Variants in TYW1B observed in about 807,000 individuals in gnomAD.
The protein encoded by TYW1B is tRNA-yW synthesizing protein 1 homolog B.
TYW1B carries 73 observed loss-of-function variants against 86.9 expected under a neutral mutation model. The ratio of observed to expected loss-of-function variants is 0.84; its 90% confidence interval spans 0.70 to 1.02. The LOEUF (loss-of-function observed/expected upper bound fraction) is 1.02. Among genes scored for constraint, TYW1B ranks in the 50% least tolerant of loss-of-function variants. The pLI is 0.00. For synonymous variants in TYW1B, 248 were observed against 292.8 expected, an observed-to-expected ratio of 0.85 and a Z score of 1.56; for missense variants, 637 against 827.4, an observed-to-expected ratio of 0.77 and a Z score of 2.82.
At chr7:72,660,098 G>A (rs1364880548) in intron 11 of TYW1B, among the ~76,000 whole-genome samples, 1 of 152,108 alleles carries the variant, frequency 6.6e-6, no homozygotes, top group African/African-American at 2.4e-5. Context: ...GACCAGGTGT[G>A]GCAGCTCACA....
intron 11 of TYW1B, among the ~76,000 whole-genome samples, chr7:72,678,619 CTTTTTTTTT>C (rs56738372): frequency 3.3e-4 from 36 of 110,418 alleles, no homozygotes; most frequent in African/African-American, 9.8e-4. Context: ...AATTCCAGCA[CTTTTTTTTT>C]TTTTTTTTTT....
chr7:72,768,457 T>A (rs1787810563), intron 7 of TYW1B, among the ~76,000 whole-genome samples: 1 of 151,930 alleles, frequency 6.6e-6, no homozygotes, highest in African/African-American at 2.4e-5. Context: ...AGAAACTGAA[T>A]TTGTCATTTT....
At chr7:72,658,324 C>T (rs1308120994) in intron 11 of TYW1B, among the ~76,000 whole-genome samples, 3 of 150,572 alleles carry the variant, frequency 2.0e-5, no homozygotes, top group Non-Finnish European at 4.4e-5. Flanking sequence ...TAATTTAACA[C>T]TGAGGTAAAA....
intron 7 of TYW1B, among the ~76,000 whole-genome samples, chr7:72,756,200 TTTTTTA>T (rs1424709623): frequency 4.1e-5 from 6 of 146,148 alleles, no homozygotes; most frequent in African/African-American, 1.5e-4. Flanking sequence ...AGTTTATTAT[TTTTTTA>T]TTTTATTTTA....
chr7:72,672,743 G>A (rs557831942), intron 11 of TYW1B, among the ~76,000 whole-genome samples: 1 of 152,096 alleles, frequency 6.6e-6, no homozygotes, highest in Non-Finnish European at 1.5e-5. Context: ...CAGATACTGA[G>A]AGACAACAGT....
intron 8 of TYW1B, among the ~76,000 whole-genome samples, chr7:72,731,933 C>G (rs1340238116): frequency 6.6e-6 from 1 of 151,920 alleles, no homozygotes; most frequent in African/African-American, 2.4e-5. Flanking sequence ...GAGCAGGACT[C>G]CATCTCAAAT....
At chr7:72,801,278 G>A (rs1462973176) in intron 6 of TYW1B, among the ~76,000 whole-genome samples, 1 of 151,982 alleles carries the variant, frequency 6.6e-6, no homozygotes, top group South Asian at 2.1e-4. Context: ...GCAGTGAGCC[G>A]AGATCCCACC....
intron 11 of TYW1B, among the ~76,000 whole-genome samples, chr7:72,691,390 G>C (rs1400808116): frequency 6.6e-6 from 1 of 152,130 alleles, no homozygotes; most frequent in African/African-American, 2.4e-5. Flanking sequence ...ATTACATAGA[G>C]ACAATAATGA....
At chr7:72,633,682 T>C (rs553665478) in intron 11 of TYW1B, among the ~76,000 whole-genome samples, 2 of 152,260 alleles carry the variant, frequency 1.3e-5, no homozygotes, top group East Asian at 3.9e-4. Flanking sequence ...CATTATTTTG[T>C]GTTTGGTGTC....
At chr7:72,619,287 C>A (rs1554437502) in intron 12 of TYW1B, among the ~76,000 whole-genome samples, 1 of 152,122 alleles carries the variant, frequency 6.6e-6, no homozygotes, top group Admixed American at 6.5e-5. Flanking sequence ...GGCAGTGAGC[C>A]CCTTTTGCTC....
chr7:72,721,275 C>T (rs1156236381), intron 9 of TYW1B, among the ~76,000 whole-genome samples: 2 of 152,160 alleles, frequency 1.3e-5, no homozygotes, highest in Non-Finnish European at 2.9e-5. Context: ...AATGGGATGG[C>T]TGGGTCAAAT....
At chr7:72,641,501 C>CA (rs1554441462) in intron 11 of TYW1B, among the ~76,000 whole-genome samples, 1 of 152,140 alleles carries the variant, frequency 6.6e-6, no homozygotes, top group African/African-American at 2.4e-5. Context: ...AATACAACAT[C>CA]ATATTAAAAT....
chr7:72,693,126 A>T (rs1814213812), intron 11 of TYW1B, among the ~76,000 whole-genome samples: 2 of 152,140 alleles, frequency 1.3e-5, no homozygotes, highest in South Asian at 4.1e-4. Flanking sequence ...TCTCATTATC[A>T]GTCAGATGTC....
In TYW1B at chr7:72,743,253, C is replaced by T. The variant is rs114137404; in HGVS notation, c.1082+1231G>A. ...CATCATAACACAGAGTCATAAAAGACGGCTGAAGGACAGAAGCAGAAAGAA... is the reference window on the plus strand; with the variant it reads ...CATCATAACACAGAGTCATAAAAGATGGCTGAAGGACAGAAGCAGAAAGAA... On this transcript the variant is annotated intron_variant, in intron 8 of 13. Transcript: ENST00000620995. Among the ~76,000 whole-genome samples, 946 of 152,162 alleles carry T rather than the reference C, an allele frequency of 6.2e-3. 9 individuals carry two copies. Among genetic ancestry groups the T allele is most frequent in the African/African-American group, 0.022 (901 of 41,508 alleles).
intron 3 of TYW1B, among the ~76,000 whole-genome samples, chr7:72,814,967 G>A (rs1444154848): frequency 2.0e-5 from 3 of 151,052 alleles, no homozygotes; most frequent in Admixed American, 1.3e-4. Flanking sequence ...CTACTTGGGA[G>A]GCTGAGGCAG....
At chr7:72,692,370 C>G (rs1313629650) in intron 11 of TYW1B, among the ~76,000 whole-genome samples, 1 of 151,782 alleles carries the variant, frequency 6.6e-6, no homozygotes, top group East Asian at 1.9e-4. Context: ...AAAAAATTAA[C>G]TAGGCATGGC....
At chr7:72,777,897 CAG>C (rs1263460111) in intron 6 of TYW1B, among the ~76,000 whole-genome samples, 2 of 152,086 alleles carry the variant, frequency 1.3e-5, no homozygotes, top group Admixed American at 6.6e-5. Context: ...GCCTGGGCAA[CAG>C]AGAAAGACTC....
intron 13 of TYW1B, among the ~76,000 whole-genome samples, chr7:72,579,305 C>A (rs1378775550): frequency 6.6e-6 from 1 of 152,158 alleles, no homozygotes; most frequent in Non-Finnish European, 1.5e-5. Context: ...GAAGAAATTT[C>A]TGTTGCACAG....
At chr7:72,773,709 T>C (rs543568497) in intron 7 of TYW1B, among the ~76,000 whole-genome samples, 6 of 152,280 alleles carry the variant, frequency 3.9e-5, no homozygotes, top group African/African-American at 1.4e-4. Context: ...AGAACCATTT[T>C]TGGAAGACTA....
Sources: allele counts gnomAD v4.1 joint callset (sites outside exome capture counted in the v4.1 genomes callset), GRCh38; gene constraint gnomAD v4.1.1; transcripts MANE v1.5; gene names NCBI Gene and HGNC (gene_info 2026-07-23, HGNC 2026-07-21).